The following GSR variants were observed in gnomAD, a reference collection of about 807,000 sequenced individuals.
The protein encoded by GSR is glutathione reductase, mitochondrial.
A neutral mutation model predicts 56.5 loss-of-function variants in GSR; 48 were observed. That is an observed-to-expected ratio of 0.85 (90% CI 0.67 to 1.08). The LOEUF is 1.08. Ranked by LOEUF, GSR falls within the 50% of genes least tolerant of loss-of-function variation. GSR has a pLI of 0.00. For missense variants in GSR, 694 were observed against 703.3 expected, an observed-to-expected ratio of 0.99 and a Z score of 0.15; for synonymous variants, 264 against 270.8, an observed-to-expected ratio of 0.97 and a Z score of 0.25.
intron 6 of GSR, among the ~76,000 whole-genome samples, chr8:30,698,034 C>G (rs961324333): frequency 1.3e-5 from 2 of 152,096 alleles, no homozygotes; most frequent in Non-Finnish European, 2.9e-5. Context: ...TAAAAGATTT[C>G]TCTTTACCTC....
intron 6 of GSR, among the ~76,000 whole-genome samples, chr8:30,698,929 C>T (rs1435432471): frequency 6.6e-6 from 1 of 152,162 alleles, no homozygotes; most frequent in Non-Finnish European, 1.5e-5. Flanking sequence ...ACTAGAAAGC[C>T]TGCAATGTAC....
chr8:30,691,802 A>T (rs1586041926), intron 8 of GSR, among the ~76,000 whole-genome samples: 1 of 152,256 alleles, frequency 6.6e-6, no homozygotes, highest in East Asian at 1.9e-4. Flanking sequence ...TAAAATCCAA[A>T]TTTAAAAAAT....
At chr8:30,687,121 G>A (rs555922663) in intron 9 of GSR, among the ~76,000 whole-genome samples, 30 of 152,146 alleles carry the variant, frequency 2.0e-4, no homozygotes, top group African/African-American at 7.2e-4. Context: ...ACAGGTGTGA[G>A]CCACGGCGCC....
At chr8:30,716,075 C>T (rs965066956) in intron 1 of GSR, among the ~76,000 whole-genome samples, 1 of 152,110 alleles carries the variant, frequency 6.6e-6, no homozygotes, top group Non-Finnish European at 1.5e-5. Flanking sequence ...TTCAGAGGTA[C>T]TGAGTAAGCA....
In GSR at chr8:30,727,822, G is replaced by A. The variant is rs1248182610; in HGVS notation, c.14C>T (p.Pro5Leu). The A allele has an allele frequency of 8.0e-7, 1 of 1,247,216 alleles. No individual in the cohort carries two copies. The highest frequency in any genetic ancestry group is 4.3e-5 in the Admixed American group (1 of 23,434). The allele number at this position is 1,247,216 out of a possible 1,614,324, so 77.3% of individuals were successfully genotyped here. MALL[P>L]RALSAGAGPS... ...TCCCGCGCCGGCGCTCAGGGCTCGG[G>A]GCAGCAGGGCCATGCACGCGGAAGT... The change falls in exon 1 of 13, where the codon CCC becomes CTC. Residue 5 changes from proline to leucine, a missense_variant. By Grantham distance (98) the Pro-to-Leu change is moderately conservative. Transcript: ENST00000221130.
At position 30,721,887 on chromosome 8, in the gene GSR, C is replaced by T. The variant is rs184800428; in HGVS notation, c.306+5643G>A. Among the ~76,000 whole-genome samples, 1,481 of 150,706 alleles carry T rather than the reference C, an allele frequency of 9.8e-3. 29 individuals are homozygous for T. The highest frequency in any genetic ancestry group is 0.034 in the African/African-American group (1,404 of 40,970). ...AAAAAATTAGCTGGGTGTAGTGGCA[C>T]ACGCCTGTAGTCCCAGCTACTCAGG... is the stretch of plus-strand genomic sequence containing the variant. On this transcript the variant is annotated intron_variant, in intron 1 of 12. Coordinates refer to ENST00000221130, the MANE Select transcript of GSR (RefSeq NM_000637.5).
chr8:30,684,209 C>T lies in GSR; in HGVS notation c.1042-10G>A. ...CATCGGTTTGAATCCCCTAAAATTA[C>T]AAAGAGATATCATGTAACCACTTGG... is the stretch of plus-strand genomic sequence containing the variant. On this transcript the variant is annotated splice_polypyrimidine_tract_variant and intron_variant, in intron 9 of 12. Transcript: ENST00000221130. 2.0e-6 allele frequency: 3 copies of T among 1,479,690 alleles called. No individual in the cohort carries two copies. The highest frequency in any genetic ancestry group is 1.9e-6 in the Non-Finnish European group (2 of 1,057,278). 91.7% of individuals were successfully genotyped at this position (1,479,690 alleles called of 1,614,324 possible). A position where few individuals can be genotyped will look rare whatever the true frequency, so the allele number is the denominator to read the frequency against.
chr8:30,723,497 A>C (rs1714704982), intron 1 of GSR, among the ~76,000 whole-genome samples: 1 of 150,868 alleles, frequency 6.6e-6, no homozygotes, highest in Non-Finnish European at 1.5e-5. Flanking sequence ...GTCTCTTAAA[A>C]ATGAAACAAC....
At position 30,684,124 on chromosome 8, in the gene GSR, C is replaced by T. The variant is rs570116243; in HGVS notation, c.1117G>A (p.Val373Ile). 4.4e-6 allele frequency: 7 copies of T among 1,605,864 alleles called. No homozygotes were observed. Among genetic ancestry groups the T allele is most frequent in the African/African-American group, 1.3e-5 (1 of 74,790 alleles). Residue 373 changes from valine (V) to isoleucine (I), a missense_variant, in exon 10 of 13, where the codon GTT becomes ATT. By Grantham distance (29) the Val-to-Ile change is conservative. Coordinates refer to ENST00000221130, the MANE Select transcript of GSR (RefSeq NM_000637.5). The part of the protein sequence containing the change: ...QNTNVKGIYA[V>I]GDVCGKALLT... ...AGAGCTTTTCCACATACATCCCCAA[C>T]TGCATAGATGCCTTTGACGTTGGTA...
intron 4 of GSR, among the ~76,000 whole-genome samples, chr8:30,706,647 C>T (rs181798702): frequency 4.4e-4 from 67 of 152,126 alleles, no homozygotes; most frequent in Non-Finnish European, 1.5e-4. Flanking sequence ...GTCAATGTCA[C>T]CTACATGGTC....
chr8:30,711,826 T>C (rs2128746707), intron 2 of GSR, among the ~76,000 whole-genome samples: 1 of 151,100 alleles, frequency 6.6e-6, no homozygotes, highest in Admixed American at 6.6e-5. Flanking sequence ...AGAACGAAAC[T>C]CCGTCTCAAA....
chr8:30,703,353 A>C, intron 4 of GSR, 113 bp from the exon 5 acceptor site: 1 of 1,005,244 alleles, frequency 9.9e-7, no homozygotes, highest in South Asian at 1.3e-5. Context: ...TGGTTTGCTG[A>C]TGCCAACACA....
intron 1 of GSR, among the ~76,000 whole-genome samples, chr8:30,714,138 T>C (rs890372936): frequency 6.6e-6 from 1 of 151,824 alleles, no homozygotes; most frequent in Non-Finnish European, 1.5e-5. Context: ...AGTTTGGCTA[T>C]ACTCCAAGCA....
intron 9 of GSR, chr8:30,687,538 C>A (rs1175124600): frequency 6.6e-6 from 1 of 152,068 alleles, no homozygotes; most frequent in African/African-American, 2.4e-5. Flanking sequence ...ATCCCAGCTA[C>A]TCGGGAGGCT....
At position 30,679,440 on chromosome 8, in the gene GSR, A is replaced by C. The variant is rs976521866; in HGVS notation, c.*80T>G. On this transcript the variant is annotated 3_prime_UTR_variant, in exon 13 of 13. Transcript: ENST00000221130. ...AAAATAAAGAAATACATAAAACTCA[A>C]ACAGTAAGTCAATGTGATTATTTGT... is the stretch of plus-strand genomic sequence containing the variant. 2.2e-6 allele frequency: 3 copies of C among 1,363,046 alleles called. No homozygotes were observed. Among genetic ancestry groups the C allele is most frequent in the Non-Finnish European group, 3.1e-6 (3 of 959,876 alleles). 84.4% of individuals were successfully genotyped at this position (1,363,046 alleles called of 1,614,324 possible).
chr8:30,703,413 T>G (rs1294872894), intron 4 of GSR, among the ~76,000 whole-genome samples, 173 bp from the exon 5 acceptor site: 2 of 152,106 alleles, frequency 1.3e-5, no homozygotes, highest in African/African-American at 2.4e-5. Flanking sequence ...CAACCTATAC[T>G]TAGGAAAGGG....
intron 2 of GSR, among the ~76,000 whole-genome samples, chr8:30,711,858 A>G (rs1489140292): frequency 6.6e-6 from 1 of 151,866 alleles, no homozygotes; most frequent in Non-Finnish European, 1.5e-5. Context: ...AATAAAAATA[A>G]AAAGTAATTA....
chr8:30,721,836 C>T (rs569262130), intron 1 of GSR, among the ~76,000 whole-genome samples: 21 of 151,276 alleles, frequency 1.4e-4, no homozygotes, highest in East Asian at 9.8e-4. Context: ...GCCTGGCCAA[C>T]GTGGTGAAAC....
At chr8:30,694,540 C>T (rs905996244) in intron 7 of GSR, among the ~76,000 whole-genome samples, 2 of 152,100 alleles carry the variant, frequency 1.3e-5, no homozygotes, top group African/African-American at 4.8e-5. Flanking sequence ...TCTTGAACTC[C>T]ACCTGCTACT....
Sources: allele counts gnomAD v4.1 joint callset (sites outside exome capture counted in the v4.1 genomes callset), GRCh38; gene constraint gnomAD v4.1.1; transcripts MANE v1.5; gene names NCBI Gene and HGNC (gene_info 2026-07-23, HGNC 2026-07-21).